The following FHIP1A variants were observed in gnomAD, a reference collection of about 807,000 sequenced individuals.
FHIP1A encodes the protein FHF complex subunit HOOK interacting protein 1A.
FHIP1A carries 61 observed loss-of-function variants against 88.6 expected under a neutral mutation model. The ratio of observed to expected loss-of-function variants is 0.69; its 90% CI spans 0.56 to 0.85. The LOEUF is 0.85. FHIP1A is among the 40% of genes least tolerant of loss of function. The pLI is 0.00. For synonymous variants in FHIP1A, 478 were observed against 496.0 expected (o/e 0.96, Z 0.48); for missense variants, 1,154 against 1,273.5 (o/e 0.91, Z 1.43).
At chr4:151,501,408 C>G (rs1730644191) in intron 3 of FHIP1A, among the ~76,000 whole-genome samples, 1 of 152,114 alleles carries the variant, frequency 6.6e-6, no homozygotes, top group Non-Finnish European at 1.5e-5. Flanking sequence ...CACCGATGTA[C>G]AAGTGTTTCT....
rs541427201 is a variant in FHIP1A at position 151,571,351 on chromosome 4, A to G, written c.105+4987A>G. 2.6e-4 allele frequency among the ~76,000 whole-genome samples: 40 copies of G among 152,364 alleles called. No homozygotes were observed. The South Asian group carries it at 5.8e-3, about 22-fold the overall frequency. On this transcript the variant is annotated intron_variant, in intron 4 of 13. Transcript: ENST00000435205. ...AAGCTGTTTAAAAATTTTTTAGGCTAAGAAAATATCAGAGCTCAAATAAAG... is the reference window on the plus strand; with the variant it reads ...AAGCTGTTTAAAAATTTTTTAGGCTGAGAAAATATCAGAGCTCAAATAAAG...
At chr4:151,623,119 G>A (rs1735809995) in intron 7 of FHIP1A, among the ~76,000 whole-genome samples, 1 of 152,174 alleles carries the variant, frequency 6.6e-6, no homozygotes, top group Admixed American at 6.5e-5. Context: ...TGCAGCATCG[G>A]CCCATTGGAC....
intron 4 of FHIP1A, among the ~76,000 whole-genome samples, chr4:151,571,348 G>A (rs1560775264): frequency 6.6e-6 from 1 of 152,072 alleles, no homozygotes; most frequent in Non-Finnish European, 1.5e-5. Context: ...AATTTTTTAG[G>A]CTAAGAAAAT....
intron 3 of FHIP1A, among the ~76,000 whole-genome samples, chr4:151,535,932 A>T (rs1732051356): frequency 6.6e-6 from 1 of 152,238 alleles, no homozygotes; most frequent in Non-Finnish European, 1.5e-5. Context: ...TTAATTTTCA[A>T]CACATTACAA....
At chr4:151,507,581 A>G (rs1284898058) in intron 3 of FHIP1A, among the ~76,000 whole-genome samples, 1 of 152,174 alleles carries the variant, frequency 6.6e-6, no homozygotes, top group East Asian at 1.9e-4. Context: ...ATCATTATAC[A>G]TTGCCAAGTG....
In FHIP1A at chr4:151,639,187, TACAC is replaced by T. The variant is rs975715233; in HGVS notation, c.1226+435_1226+438del. On this transcript the variant is annotated intron_variant, in intron 9 of 13. Transcript: ENST00000435205. ...TCTATGATTTTTGCTTTGATAATGA[TACAC>T]ACAGTGTATTCTCTCTGATCTGTGA... is the stretch of plus-strand genomic sequence containing the variant. Among the ~76,000 whole-genome samples the T allele has an allele frequency of 6.6e-5, 10 of 152,368 alleles. No individual in the cohort carries two copies. In the East Asian group the frequency reaches 1.7e-3, roughly 26 times the overall value.
At chr4:151,509,474 AC>A (rs924157562) in intron 3 of FHIP1A, among the ~76,000 whole-genome samples, 2 of 152,014 alleles carry the variant, frequency 1.3e-5, no homozygotes, top group African/African-American at 4.8e-5. Flanking sequence ...CAAGTTCTTT[AC>A]CTTCCTGGGG....
At chr4:151,542,203 G>T (rs1732320826) in intron 3 of FHIP1A, among the ~76,000 whole-genome samples, 1 of 152,052 alleles carries the variant, frequency 6.6e-6, no homozygotes, top group East Asian at 1.9e-4. Flanking sequence ...ACACAGTGTT[G>T]TGTGTGTGGT....
intron 7 of FHIP1A, among the ~76,000 whole-genome samples, chr4:151,616,791 A>G (rs914601341): frequency 2.0e-4 from 30 of 152,052 alleles, no homozygotes; most frequent in Non-Finnish European, 3.5e-4. Context: ...TCTGTTGCCC[A>G]GGCTGGAGTG....
chr4:151,543,631 CATT>C (rs1732380055), intron 3 of FHIP1A, among the ~76,000 whole-genome samples: 1 of 152,136 alleles, frequency 6.6e-6, no homozygotes, highest in Non-Finnish European at 1.5e-5. Context: ...TACGTACACA[CATT>C]ATACATAATT....
At chr4:151,432,829 T>C (rs950491037) in intron 1 of FHIP1A, among the ~76,000 whole-genome samples, 1 of 151,938 alleles carries the variant, frequency 6.6e-6, no homozygotes, top group African/African-American at 2.4e-5. Flanking sequence ...ATTGATAAGA[T>C]GTGATGATTA....
intron 5 of FHIP1A, 97 bp downstream of exon 5, chr4:151,578,173 A>G (rs1733879051): frequency 8.6e-7 from 1 of 1,159,914 alleles, no homozygotes; most frequent in Non-Finnish European, 1.2e-6. Flanking sequence ...TTCTCCCAGT[A>G]AGTTGTACTT....
chr4:151,631,914 A>G (rs1293291249), intron 8 of FHIP1A, among the ~76,000 whole-genome samples: 1 of 152,166 alleles, frequency 6.6e-6, no homozygotes, highest in East Asian at 1.9e-4. Context: ...ACACACAGAA[A>G]ACAACAAAAT....
intron 13 of FHIP1A, among the ~76,000 whole-genome samples, chr4:151,660,098 C>T (rs995777887): frequency 2.0e-5 from 3 of 152,164 alleles, no homozygotes; most frequent in Admixed American, 1.3e-4. Flanking sequence ...AGCTGGTGGC[C>T]AGGTAGGGAC....
At position 151,646,636 on chromosome 4, in the gene FHIP1A, G is replaced by A. The variant is rs143316272; in HGVS notation, c.1305G>A (p.Ala435=). 9.7e-6 allele frequency: 15 copies of A among 1,551,410 alleles called. No homozygotes were observed. The highest frequency in any genetic ancestry group is 2.4e-5 in the South Asian group (2 of 84,062). The change falls in exon 10 of 14, where the codon GCG becomes GCA. Residue 435 remains alanine (A), a synonymous_variant. Coordinates refer to ENST00000435205, the MANE Select transcript of FHIP1A (RefSeq NM_001109977.3). ...AGAGAGACTGTTACTCTGTTTCTGC[G>A]GCCAAGCTTCTCGCCTTGACTCCTG... ...VKERDCYSVS[A]AKLLALTPVC... is the part of the protein sequence containing the mutation.
intron 9 of FHIP1A, among the ~76,000 whole-genome samples, chr4:151,641,313 T>C (rs1736579482): frequency 1.3e-5 from 2 of 152,214 alleles, no homozygotes; most frequent in African/African-American, 4.8e-5. Flanking sequence ...CTGGTATCCT[T>C]CTTCTGCACT....
intron 1 of FHIP1A, among the ~76,000 whole-genome samples, chr4:151,426,493 A>G (rs988217184): frequency 2.0e-5 from 3 of 152,220 alleles, no homozygotes; most frequent in African/African-American, 7.2e-5. Context: ...CTTGAAGTTC[A>G]GAAATTATAA....
intron 3 of FHIP1A, among the ~76,000 whole-genome samples, chr4:151,493,346 A>G (rs1730350102): frequency 6.6e-6 from 1 of 152,218 alleles, no homozygotes; most frequent in Admixed American, 6.5e-5. Flanking sequence ...AAAATTGCCA[A>G]CAAATAAAGT....
At chr4:151,589,045 G>A (rs1014872047) in intron 7 of FHIP1A, 119 bp downstream of exon 7, 55 of 731,712 alleles carry the variant, frequency 7.5e-5, no homozygotes, top group South Asian at 1.7e-4. Context: ...TTTTCATTCC[G>A]TCTATATTTC....
Sources: allele counts gnomAD v4.1 joint callset (sites outside exome capture counted in the v4.1 genomes callset), GRCh38; gene constraint gnomAD v4.1.1; transcripts MANE v1.5; gene names NCBI Gene and HGNC (gene_info 2026-07-23, HGNC 2026-07-21).